The following GALNTL6 variants were observed in gnomAD, a reference collection of about 807,000 sequenced individuals.
GALNTL6 encodes the protein polypeptide N-acetylgalactosaminyltransferase-like 6.
In GALNTL6, 46 loss-of-function variants were observed where a neutral mutation model predicts 73.7. The ratio of observed to expected loss-of-function variants is 0.62; its 90% confidence interval spans 0.49 to 0.80. The LOEUF is 0.80. Among genes scored for constraint, GALNTL6 ranks in the 30% least tolerant of loss-of-function variants. GALNTL6 has a pLI of 0.00. For missense variants in GALNTL6, 604 were observed against 755.0 expected (o/e 0.80, Z 2.34); for synonymous variants, 259 against 263.7 (o/e 0.98, Z 0.17).
intron 12 of GALNTL6, among the ~76,000 whole-genome samples, chr4:173,027,817 G>A (rs550021954): frequency 6.6e-6 from 1 of 152,238 alleles, no homozygotes; most frequent in Admixed American, 6.5e-5. Context: ...TTATGCAGCT[G>A]AAGTATTTTA....
intron 2 of GALNTL6, among the ~76,000 whole-genome samples, chr4:171,865,738 GTTAT>G (rs1279566969): frequency 6.6e-6 from 1 of 152,180 alleles, no homozygotes; most frequent in Non-Finnish European, 1.5e-5. Flanking sequence ...CTTTTGATGA[GTTAT>G]TTGAGAAGGC....
intron 5 of GALNTL6, among the ~76,000 whole-genome samples, chr4:172,426,916 T>TTATATATA (rs35184907): frequency 4.7e-5 from 7 of 149,378 alleles, no homozygotes; most frequent in East Asian, 2.0e-4. Context: ...GTAAGGACTC[T>TTATATATA]TATATATATA....
chr4:172,483,598 A>C (rs1733569686), intron 5 of GALNTL6, among the ~76,000 whole-genome samples: 1 of 152,236 alleles, frequency 6.6e-6, no homozygotes, highest in South Asian at 2.1e-4. Flanking sequence ...AACTATTAAA[A>C]GTGAAAAACA....
chr4:172,962,422 G>A (rs1048148150), intron 10 of GALNTL6, among the ~76,000 whole-genome samples: 2 of 152,012 alleles, frequency 1.3e-5, no homozygotes, highest in Non-Finnish European at 2.9e-5. Context: ...TTTTGCTAAC[G>A]TCCTTTTTCT....
chr4:172,431,467 T>A (rs761500168), intron 5 of GALNTL6, among the ~76,000 whole-genome samples: 1 of 152,160 alleles, frequency 6.6e-6, no homozygotes, highest in African/African-American at 2.4e-5. Flanking sequence ...TTAGGAAAAC[T>A]ATGTCAGCAT....
chr4:172,241,147 G>A (rs943604113), intron 3 of GALNTL6, among the ~76,000 whole-genome samples: 1 of 152,206 alleles, frequency 6.6e-6, no homozygotes, highest in African/African-American at 2.4e-5. Flanking sequence ...CTGTGATCCA[G>A]TAGATGGTGC....
intron 5 of GALNTL6, among the ~76,000 whole-genome samples, chr4:172,675,449 G>A (rs1482908466): frequency 6.6e-6 from 1 of 152,204 alleles, no homozygotes; most frequent in Non-Finnish European, 1.5e-5. Flanking sequence ...GCAGCTGCTG[G>A]GGGCAGGGGA....
chr4:172,163,901 T>C (rs752015329), intron 2 of GALNTL6, among the ~76,000 whole-genome samples: 28 of 151,918 alleles, frequency 1.8e-4, no homozygotes, highest in Non-Finnish European at 3.2e-4. Flanking sequence ...TTAGAAAATA[T>C]AGGAGTAATT....
At chr4:171,969,260 C>G (rs1195114851) in intron 2 of GALNTL6, among the ~76,000 whole-genome samples, 1 of 152,182 alleles carries the variant, frequency 6.6e-6, no homozygotes, top group African/African-American at 2.4e-5. Context: ...CTGTTTAGAG[C>G]AGTTGTCCCT....
intron 5 of GALNTL6, among the ~76,000 whole-genome samples, chr4:172,529,640 C>T (rs1010577872): frequency 6.6e-6 from 1 of 151,704 alleles, no homozygotes; most frequent in African/African-American, 2.4e-5. Flanking sequence ...GAAGATGTAG[C>T]ATAAATGCAA....
chr4:172,627,962 T>C (rs7691283), intron 5 of GALNTL6, among the ~76,000 whole-genome samples: 55,563 of 151,888 alleles, frequency 0.37, 11,267 homozygotes, highest in African/African-American at 0.52. Flanking sequence ...CTTTTGGTTT[T>C]GGTGATTCTT....
rs1734401566 is a variant in GALNTL6, at chr4:172,507,883, AG to A, written c.553+159195del. 3.6e-5 allele frequency among the ~76,000 whole-genome samples: 2 copies of A among 55,056 alleles called. 1 individual carries two copies. The highest frequency in any genetic ancestry group is 8.4e-5 in the Non-Finnish European group (2 of 23,894). 36.1% of individuals were successfully genotyped at this position (55,056 alleles called of 152,430 possible). On this transcript the variant is annotated intron_variant, in intron 5 of 12. Transcript: ENST00000506823. Reference sequence around the variant, plus strand: ...AATAGCCTTATTTGAAGAGTTGAAAAGCAAAACTATAAATAAGGAAGCAATT... The same window carrying A: ...AATAGCCTTATTTGAAGAGTTGAAAACAAAACTATAAATAAGGAAGCAATT...
chr4:171,829,704 C>T (rs1485870), intron 2 of GALNTL6, among the ~76,000 whole-genome samples: 43,503 of 151,758 alleles, frequency 0.29, 7,324 homozygotes, highest in African/African-American at 0.47. Context: ...GCCCTTATAA[C>T]GGTACTTATC....
At chr4:172,158,951 A>G (rs1219024998) in intron 2 of GALNTL6, among the ~76,000 whole-genome samples, 2 of 152,232 alleles carry the variant, frequency 1.3e-5, no homozygotes, top group East Asian at 3.8e-4. Context: ...CCTTCAGTAA[A>G]CTATTCAAGT....
intron 5 of GALNTL6, among the ~76,000 whole-genome samples, chr4:172,781,044 A>C (rs1175083842): frequency 1.3e-5 from 2 of 152,202 alleles, no homozygotes; most frequent in African/African-American, 4.8e-5. Flanking sequence ...AAATGGAGAA[A>C]AATAAGTTTT....
intron 5 of GALNTL6, among the ~76,000 whole-genome samples, chr4:172,380,733 A>T (rs1254457206): frequency 2.6e-5 from 4 of 152,230 alleles, no homozygotes; most frequent in Non-Finnish European, 5.9e-5. Context: ...ACCACGAAAG[A>T]GAAGAGACAC....
chr4:172,169,987 G>C lies in GALNTL6; in HGVS notation c.139-59669G>C, dbSNP rs899596476. 2.6e-5 allele frequency among the ~76,000 whole-genome samples: 4 copies of C among 152,318 alleles called. No individual in the cohort carries two copies. The East Asian group carries it at 7.7e-4, about 29-fold the overall frequency. ...GAAAGGAAAACTGAGAGTTGGAGTT[G>C]ATAAGTACCTCAACCAATATCACAT... On this transcript the variant is annotated intron_variant, in intron 2 of 12. Coordinates refer to ENST00000506823, the MANE Select transcript of GALNTL6 (RefSeq NM_001034845.3).
Position 172,809,912 on chromosome 4 carries a change from T to TAC in GALNTL6, c.739+404_739+405dup, listed in dbSNP as rs5864170. Among the ~76,000 whole-genome samples, 19,434 of 141,096 alleles carry TAC rather than the reference T, an allele frequency of 0.14. 1,265 individuals are homozygous for TAC. Among genetic ancestry groups the TAC allele is most frequent in the Non-Finnish European group, 0.15 (9,595 of 64,158 alleles). The allele number at this position is 141,096 out of a possible 152,430, so 92.6% of individuals were successfully genotyped here. ...TCCTGTAGCTACAGCAAGATTAAAATACACACACACACACACACACACACA... is the reference window on the plus strand; with the variant it reads ...TCCTGTAGCTACAGCAAGATTAAAATACACACACACACACACACACACACACA... On this transcript the variant is annotated intron_variant, in intron 6 of 12. Coordinates refer to ENST00000506823, the MANE Select transcript of GALNTL6 (RefSeq NM_001034845.3). This position sits in a 1 kb window ranked among gnomAD's most constrained non-coding sequence, Gnocchi z 4.4.
chr4:172,158,827 A>G (rs1002689782), intron 2 of GALNTL6, among the ~76,000 whole-genome samples: 2 of 152,200 alleles, frequency 1.3e-5, no homozygotes, highest in African/African-American at 4.8e-5. Context: ...ACATAGAATT[A>G]TTTCTAAATC....
Sources: gnomAD v4.1 joint callset for allele counts (sites outside exome capture counted in the v4.1 genomes callset) on GRCh38, gnomAD v4.1.1 for gene constraint, Gnocchi (gnomAD v3.1) non-coding constraint, MANE v1.5 for transcripts, NCBI Gene and HGNC (gene_info 2026-07-23, HGNC 2026-07-21) for gene names.